Variants in GALNT18 observed in about 807,000 individuals in gnomAD.
GALNT18 encodes GalNAc-transferase 18.
A neutral mutation model predicts 69.5 loss-of-function variants in GALNT18; 44 were observed. The ratio of observed to expected loss-of-function variants is 0.63; its 90% CI spans 0.50 to 0.81. The LOEUF is 0.81. Ranked by LOEUF, GALNT18 falls within the 40% of genes least tolerant of loss-of-function variation. GALNT18 has a pLI of 0.00. For synonymous variants in GALNT18, 364 were observed against 318.2 expected (o/e 1.14, Z -1.53); for missense variants, 715 against 810.0 (o/e 0.88, Z 1.42).
rs2133827778 is a variant in GALNT18 at position 11,454,102 on chromosome 11, C to A, written c.236-5166G>T. Among the ~76,000 whole-genome samples the A allele has an allele frequency of 6.6e-6, 1 of 152,284 alleles. No homozygotes were observed. On this transcript the variant is annotated intron_variant, in intron 1 of 10. Coordinates refer to ENST00000227756, the MANE Select transcript of GALNT18 (RefSeq NM_198516.3). The surrounding 1 kb of genome is among the most constrained non-coding windows in gnomAD (Gnocchi z 4.2). ...CGTCGTGAGGTCAGAAAACTCCCTGCCTACTAGAGATTCCCCAAATCTTTC... is the reference window on the plus strand; with the variant it reads ...CGTCGTGAGGTCAGAAAACTCCCTGACTACTAGAGATTCCCCAAATCTTTC...
rs763463873 is a variant in GALNT18 at position 11,377,403 on chromosome 11, A to G, written c.780-24T>C. 24 of 1,610,390 alleles carry G rather than the reference A, an allele frequency of 1.5e-5. No homozygotes were observed. Among genetic ancestry groups the G allele is most frequent in the Non-Finnish European group, 1.6e-5 (19 of 1,177,432 alleles). On this transcript the variant is annotated intron_variant, in intron 4 of 10. Transcript: ENST00000227756. This position sits in a 1 kb window ranked among gnomAD's most constrained non-coding sequence, Gnocchi z 4.6. ...CCCTGGGCAGAGAGGAGACAGCCAG[A>G]GAGGGTAACCATTTCCAAGGTGGAA...
intron 10 of GALNT18, among the ~76,000 whole-genome samples, chr11:11,275,150 C>T (rs1281447107): frequency 1.3e-5 from 2 of 152,226 alleles, no homozygotes; most frequent in East Asian, 1.9e-4. Context: ...AACTAATTTA[C>T]ACTCCCACCA....
rs769401675 is a variant in GALNT18, at chr11:11,432,648, T to C, written c.568A>G (p.Ile190Val). ...TTACTGCTGTTGTCATCCACCAGAA[T>C]GATCTCCTTGAGCAGATGTGGGGGC... is the stretch of plus-strand genomic sequence containing the variant. ...RTPPHLLKEI[I>V]LVDDNSSNEE... is the part of the protein sequence containing the mutation. Residue 190 changes from isoleucine (I) to valine (V), a missense_variant, in exon 3 of 11, where the codon ATT becomes GTT. Ile to Val is a conservative substitution (Grantham distance 29, BLOSUM62 3). Coordinates refer to ENST00000227756, the MANE Select transcript of GALNT18 (RefSeq NM_198516.3). This position sits in a 1 kb window ranked among gnomAD's most constrained non-coding sequence, Gnocchi z 5.8. 5.6e-6 allele frequency: 9 copies of C among 1,610,832 alleles called. No individual in the cohort carries two copies. The South Asian group carries it at 6.7e-5, about 12-fold the overall frequency.
At position 11,315,432 on chromosome 11, in the gene GALNT18, C is replaced by T. The variant is rs549402385; in HGVS notation, c.1512+11654G>A. ...GAGCTCTGGAACACAGGCAAGGATA[C>T]GTTAGGCATGGGTCTTCATGGATTC... On this transcript the variant is annotated intron_variant, in intron 9 of 10. Coordinates refer to ENST00000227756, the MANE Select transcript of GALNT18 (RefSeq NM_198516.3). This position sits in a 1 kb window ranked among gnomAD's most constrained non-coding sequence, Gnocchi z 5.6. Among the ~76,000 whole-genome samples the T allele has an allele frequency of 6.6e-5, 10 of 152,236 alleles. No homozygotes were observed. The highest frequency in any genetic ancestry group is 1.3e-4 in the Admixed American group (2 of 15,294).
chr11:11,275,031 A>G (rs1443536119), intron 10 of GALNT18, among the ~76,000 whole-genome samples: 1 of 152,340 alleles, frequency 6.6e-6, no homozygotes, highest in East Asian at 1.9e-4. Context: ...TCTTTATAGA[A>G]TGATTTATGA....
intron 1 of GALNT18, among the ~76,000 whole-genome samples, chr11:11,462,025 TGTAGGAACAGCA>T (rs1255577995): frequency 6.6e-6 from 1 of 152,246 alleles, no homozygotes; most frequent in Non-Finnish European, 1.5e-5. Flanking sequence ...AGCGGGGTGC[TGTAGGAACAGCA>T]GCAAGCATCA....
chr11:11,517,233 A>G (rs1857301530), intron 1 of GALNT18, among the ~76,000 whole-genome samples: 1 of 152,254 alleles, frequency 6.6e-6, no homozygotes, highest in Non-Finnish European at 1.5e-5. Flanking sequence ...CAGCCTGAAC[A>G]GACTAAGATA....
chr11:11,475,945 G>A (rs1856385919), intron 1 of GALNT18: 1 of 152,156 alleles, frequency 6.6e-6, no homozygotes, highest in Non-Finnish European at 1.5e-5. Flanking sequence ...GAACAGAGCT[G>A]GGGGAGCCAC....
At chr11:11,574,295 A>G (rs56234343) in intron 1 of GALNT18, among the ~76,000 whole-genome samples, 236 of 152,254 alleles carry the variant, frequency 1.6e-3, no homozygotes, top group Non-Finnish European at 2.8e-3. Context: ...GAAGGCTACA[A>G]ATGAATCCCA....
At chr11:11,345,971 A>ATT (rs1850296006) in intron 6 of GALNT18, among the ~76,000 whole-genome samples, 1 of 152,186 alleles carries the variant, frequency 6.6e-6, no homozygotes, top group African/African-American at 2.4e-5. Context: ...TCTGACGGGC[A>ATT]CTGAGCAACA....
chr11:11,540,042 T>C lies in GALNT18; in HGVS notation c.235+81317A>G, dbSNP rs879409332. Among the ~76,000 whole-genome samples the C allele has an allele frequency of 6.6e-6, 1 of 152,204 alleles. No individual in the cohort carries two copies. Among genetic ancestry groups the C allele is most frequent in the Non-Finnish European group, 1.5e-5 (1 of 68,036 alleles). On this transcript the variant is annotated intron_variant, in intron 1 of 10. Transcript: ENST00000227756. The surrounding 1 kb of genome is among the most constrained non-coding windows in gnomAD (Gnocchi z 4.6). ...GGGGACCCCGATGCCAGTCCGGCAC[T>C]TGCAGCCTGGCCTCTGGGCTGGCAC...
intron 1 of GALNT18, among the ~76,000 whole-genome samples, chr11:11,495,532 A>G (rs988028022): frequency 2.0e-5 from 3 of 152,230 alleles, no homozygotes; most frequent in Non-Finnish European, 4.4e-5. Context: ...TCATTTGCTC[A>G]TTAGGAGCAA....
intron 1 of GALNT18, among the ~76,000 whole-genome samples, chr11:11,474,298 C>T (rs1279165585): frequency 1.3e-5 from 2 of 152,112 alleles, no homozygotes; most frequent in African/African-American, 2.4e-5. Context: ...GTATAAAAGA[C>T]TTGTGGCCAG....
Position 11,604,839 on chromosome 11 carries a change from C to T in GALNT18, c.235+16520G>A, listed in dbSNP as rs560171681. 4.6e-4 allele frequency among the ~76,000 whole-genome samples: 70 copies of T among 152,092 alleles called. No homozygotes were observed. Among genetic ancestry groups the T allele is most frequent in the Non-Finnish European group, 8.2e-4 (56 of 68,012 alleles). ...GCCCATAGCTTCATTCCACTGGTCC[C>T]CCACACCCCAAAGGCTACACAATCT... On this transcript the variant is annotated intron_variant, in intron 1 of 10. Coordinates refer to ENST00000227756, the MANE Select transcript of GALNT18 (RefSeq NM_198516.3). The surrounding 1 kb of genome is among the most constrained non-coding windows in gnomAD (Gnocchi z 5.6).
intron 1 of GALNT18, among the ~76,000 whole-genome samples, 190 bp from the exon 2 acceptor site, chr11:11,449,126 C>T (rs772354188): frequency 3.3e-5 from 5 of 152,234 alleles, no homozygotes; most frequent in African/African-American, 7.2e-5. Flanking sequence ...ATTCATCTAA[C>T]CCACAACCAC....
intron 1 of GALNT18, among the ~76,000 whole-genome samples, chr11:11,455,121 G>A (rs1470621089): frequency 6.6e-6 from 1 of 152,144 alleles, no homozygotes; most frequent in Admixed American, 6.5e-5. Flanking sequence ...CTGGGCCTTG[G>A]AGCTCACTGT....
chr11:11,411,391 T>C (rs1854723331), intron 3 of GALNT18, among the ~76,000 whole-genome samples: 1 of 152,224 alleles, frequency 6.6e-6, no homozygotes, highest in Admixed American at 6.5e-5. Context: ...AAGCCCTTGC[T>C]TATTATAAGC....
chr11:11,275,460 C>T (rs180941478), intron 10 of GALNT18, among the ~76,000 whole-genome samples: 7 of 152,296 alleles, frequency 4.6e-5, no homozygotes, highest in Non-Finnish European at 4.4e-5. Context: ...GGACAGATTG[C>T]CAAAGTTTTC....
At chr11:11,287,563 A>G (rs1477649414) in intron 10 of GALNT18, among the ~76,000 whole-genome samples, 2 of 152,122 alleles carry the variant, frequency 1.3e-5, no homozygotes, top group Non-Finnish European at 2.9e-5. Flanking sequence ...ACAGAAATCC[A>G]TCACTGAATC....
Sources: allele counts gnomAD v4.1 joint callset (sites outside exome capture counted in the v4.1 genomes callset), GRCh38; gene constraint gnomAD v4.1.1; non-coding constraint Gnocchi (gnomAD v3.1); transcripts MANE v1.5; gene names NCBI Gene and HGNC (gene_info 2026-07-23, HGNC 2026-07-21).